Variants in CSGALNACT1 observed in about 807,000 individuals in gnomAD.
CSGALNACT1 encodes beta4GalNAcT-1.
CSGALNACT1 carries 52 observed loss-of-function variants against 51.0 expected under a neutral mutation model. The ratio of observed to expected loss-of-function variants is 1.02; its 90% CI spans 0.82 to 1.29. The LOEUF is 1.29. Among genes scored for constraint, CSGALNACT1 ranks in the 50% most tolerant of loss-of-function variants. The pLI is 0.00. For missense variants in CSGALNACT1, 935 were observed against 679.2 expected (o/e 1.38, Z -4.19); for synonymous variants, 341 against 254.4 (o/e 1.34, Z -3.24).
chr8:19,642,990 T>C (rs1323589864), intron 1 of CSGALNACT1, among the ~76,000 whole-genome samples: 1 of 151,988 alleles, frequency 6.6e-6, no homozygotes, highest in Non-Finnish European at 1.5e-5. Context: ...TGGAAGAAAA[T>C]ACAGTTAAAT....
Position 19,420,486 on chromosome 8 carries a change from T to C in CSGALNACT1, c.986A>G (p.Gln329Arg), listed in dbSNP as rs2057745878. The C allele has an allele frequency of 6.2e-7, 1 of 1,614,044 alleles. No homozygotes were observed. Among genetic ancestry groups the C allele is most frequent in the Admixed American group, 1.7e-5 (1 of 59,996 alleles). Residue 329 changes from glutamine to arginine, a missense_variant, in exon 7 of 10, where the codon CAG becomes CGG. Transcript: ENST00000454498. ...TCCCCGAGAAAATTCTCCATTCAGC[T>C]GGATGAAGGTAAAGTTCCTGAAGTT...
At chr8:19,506,366 A>G (rs1324021007) in intron 3 of CSGALNACT1, among the ~76,000 whole-genome samples, 1 of 152,238 alleles carries the variant, frequency 6.6e-6, no homozygotes, top group East Asian at 1.9e-4. Context: ...CAAAATCTGA[A>G]CAATAATTCT....
intron 4 of CSGALNACT1, among the ~76,000 whole-genome samples, chr8:19,460,915 G>C (rs753233338): frequency 3.3e-5 from 5 of 152,084 alleles, no homozygotes; most frequent in African/African-American, 4.8e-5. Context: ...ACAGAGAGGA[G>C]TGTGGTCCTG....
chr8:19,443,323 C>A (rs563153022), intron 5 of CSGALNACT1, among the ~76,000 whole-genome samples: 73 of 151,832 alleles, frequency 4.8e-4, no homozygotes, highest in African/African-American at 1.6e-3. Context: ...TATGCAAGTG[C>A]GTAAATCACT....
chr8:19,725,666 A>T (rs2063359064), intron 1 of CSGALNACT1, among the ~76,000 whole-genome samples: 1 of 151,976 alleles, frequency 6.6e-6, no homozygotes, highest in African/African-American at 2.4e-5. Context: ...CTCGTGATCC[A>T]CATGACTCAG....
chr8:19,534,917 C>T (rs1240274035), intron 3 of CSGALNACT1, among the ~76,000 whole-genome samples: 1 of 152,158 alleles, frequency 6.6e-6, no homozygotes, highest in Non-Finnish European at 1.5e-5. Flanking sequence ...CATTGCACTT[C>T]GCCATATTTC....
chr8:19,587,315 G>C (rs1360703564), intron 3 of CSGALNACT1, among the ~76,000 whole-genome samples: 2 of 152,202 alleles, frequency 1.3e-5, no homozygotes, highest in Admixed American at 6.5e-5. Context: ...GTCTACGACT[G>C]GTAGTGAGCT....
intron 3 of CSGALNACT1, among the ~76,000 whole-genome samples, chr8:19,554,076 A>T (rs1180131383): frequency 6.7e-6 from 1 of 150,370 alleles, no homozygotes; most frequent in Non-Finnish European, 1.5e-5. Flanking sequence ...AATGAGAGAA[A>T]ATTAGTAAGA....
intron 1 of CSGALNACT1, among the ~76,000 whole-genome samples, chr8:19,731,038 G>T (rs1220542452): frequency 2.0e-5 from 3 of 152,150 alleles, no homozygotes; most frequent in Non-Finnish European, 4.4e-5. Context: ...GGAATTAGGG[G>T]GTGTGAGGCT....
At chr8:19,434,134 A>G (rs560187789) in intron 6 of CSGALNACT1, among the ~76,000 whole-genome samples, 26 of 152,264 alleles carry the variant, frequency 1.7e-4, no homozygotes, top group African/African-American at 6.3e-4. Flanking sequence ...GAGAAAAGTG[A>G]TTCTATTTTT....
chr8:19,467,199 A>G lies in CSGALNACT1; in HGVS notation c.635-8557T>C, dbSNP rs1188424796. Reference sequence around the variant, plus strand: ...CAGTGGTGCGATCTCGGCTCACTGCAAGCTCTGACTCTCGGTTTCACAGTA... The same window carrying G: ...CAGTGGTGCGATCTCGGCTCACTGCGAGCTCTGACTCTCGGTTTCACAGTA... On this transcript the variant is annotated intron_variant, in intron 4 of 9. Coordinates refer to ENST00000454498, the Ensembl canonical transcript of CSGALNACT1. 2.8e-5 allele frequency among the ~76,000 whole-genome samples: 4 copies of G among 143,756 alleles called. No individual in the cohort carries two copies. The South Asian group carries it at 9.0e-4, about 32-fold the overall frequency. 94.3% of individuals were successfully genotyped at this position (143,756 alleles called of 152,430 possible).
chr8:19,426,564 C>A (rs935832798), intron 6 of CSGALNACT1, among the ~76,000 whole-genome samples: 1 of 152,290 alleles, frequency 6.6e-6, no homozygotes, highest in East Asian at 1.9e-4. Flanking sequence ...ACTGAACGTG[C>A]AGTTCCACTA....
intron 1 of CSGALNACT1, among the ~76,000 whole-genome samples, chr8:19,614,873 TACAG>T (rs1364152696): frequency 6.6e-6 from 1 of 152,188 alleles, no homozygotes; most frequent in East Asian, 1.9e-4. Flanking sequence ...CACATTGTAC[TACAG>T]ACACAGTGAG....
At chr8:19,448,481 T>C (rs972503982) in intron 5 of CSGALNACT1, among the ~76,000 whole-genome samples, 3 of 152,192 alleles carry the variant, frequency 2.0e-5, no homozygotes, top group African/African-American at 4.8e-5. Context: ...AGGAACTTTA[T>C]AGTTTTTTGG....
chr8:19,539,334 G>C (rs777500954), intron 3 of CSGALNACT1, among the ~76,000 whole-genome samples: 1 of 152,100 alleles, frequency 6.6e-6, no homozygotes. Flanking sequence ...TTCATAGAAA[G>C]AAACTATCTG....
Position 19,620,275 on chromosome 8 carries a change from A to G in CSGALNACT1, c.-543-18410T>C, listed in dbSNP as rs547472685. Among the ~76,000 whole-genome samples the G allele has an allele frequency of 3.5e-5, 5 of 141,396 alleles. No individual in the cohort carries two copies. In the South Asian group the frequency reaches 1.1e-3, roughly 32 times the overall value. 92.8% of individuals were successfully genotyped at this position (141,396 alleles called of 152,430 possible). ...GGTTGCAGTTAGCCAAGATTGCACC[A>G]CTGCACTCCAGCCTGGGCAACAGAG... On this transcript the variant is annotated intron_variant, in intron 1 of 9. Coordinates refer to the CSGALNACT1 transcript ENST00000332246.
chr8:19,431,083 T>C (rs565169795), intron 6 of CSGALNACT1, among the ~76,000 whole-genome samples: 25 of 152,282 alleles, frequency 1.6e-4, no homozygotes, highest in Non-Finnish European at 1.0e-4. Context: ...TGTGGATTCC[T>C]TGTAATTTTC....
chr8:19,566,862 C>T (rs2042005857), intron 3 of CSGALNACT1, among the ~76,000 whole-genome samples: 1 of 152,222 alleles, frequency 6.6e-6, no homozygotes, highest in African/African-American at 2.4e-5. Flanking sequence ...TGAGTACTTA[C>T]AGCCAACCCC....
chr8:19,714,810 G>C (rs1190191224), intron 1 of CSGALNACT1, among the ~76,000 whole-genome samples: 1 of 150,728 alleles, frequency 6.6e-6, no homozygotes, highest in African/African-American at 2.4e-5. Context: ...CTGCAGGTTT[G>C]TTATATGGGT....
Sources: gnomAD v4.1 joint callset for allele counts (sites outside exome capture counted in the v4.1 genomes callset) on GRCh38, gnomAD v4.1.1 for gene constraint, MANE v1.5 for transcripts, NCBI Gene and HGNC (gene_info 2026-07-23, HGNC 2026-07-21) for gene names.